Variants in LHFPL3 observed in about 807,000 individuals in gnomAD.
LHFPL3 encodes LHFPL tetraspan subfamily member 3 protein.
LHFPL3 carries 5 observed loss-of-function variants against 19.3 expected under a neutral mutation model. That is an observed-to-expected ratio of 0.26 (90% CI 0.14 to 0.54). LHFPL3 has a LOEUF of 0.54. Among genes scored for constraint, LHFPL3 ranks in the 20% least tolerant of loss-of-function variants. The pLI, the probability that LHFPL3 is intolerant of heterozygous loss-of-function variation, is 0.94. For missense variants in LHFPL3, 249 were observed against 307.4 expected (o/e 0.81, Z 1.42); for synonymous variants, 133 against 126.2 (o/e 1.05, Z -0.36).
intron 2 of LHFPL3, among the ~76,000 whole-genome samples, chr7:104,829,405 G>A (rs1790893622): frequency 6.6e-6 from 1 of 151,524 alleles, no homozygotes; most frequent in Non-Finnish European, 1.5e-5. Flanking sequence ...ATGTATACAT[G>A]TGCCATGTTG....
At chr7:104,863,749 G>A (rs990041562) in intron 2 of LHFPL3, among the ~76,000 whole-genome samples, 2 of 152,182 alleles carry the variant, frequency 1.3e-5, no homozygotes, top group Non-Finnish European at 2.9e-5. Flanking sequence ...GTCACTGGCT[G>A]GGCCAGTATT....
In LHFPL3 at chr7:104,577,459, TAC is replaced by T. The variant is rs375081092; in HGVS notation, c.446-159207_446-159206del. On this transcript the variant is annotated intron_variant, in intron 1 of 2. Transcript: ENST00000424859. ...TTAATCCTGTTAGTGTAAATATATA[TAC>T]ACACACACGTATATATACACATACC... 4.3e-4 allele frequency among the ~76,000 whole-genome samples: 65 copies of T among 152,236 alleles called. No homozygotes were observed. In the East Asian group the frequency reaches 7.1e-3, roughly 17 times the overall value.
At chr7:104,858,819 T>C (rs1207816413) in intron 2 of LHFPL3, among the ~76,000 whole-genome samples, 3 of 152,148 alleles carry the variant, frequency 2.0e-5, no homozygotes, top group African/African-American at 4.8e-5. Context: ...TTTCTCCACA[T>C]TGGAGTACTT....
chr7:104,480,763 G>T (rs1793119249), intron 1 of LHFPL3, among the ~76,000 whole-genome samples: 2 of 152,172 alleles, frequency 1.3e-5, no homozygotes, highest in Non-Finnish European at 2.9e-5. Context: ...CAGGCATTTG[G>T]TATGCAAATA....
At position 104,428,886 on chromosome 7, in the gene LHFPL3, A is replaced by G. The variant is rs572501475; in HGVS notation, c.445+99662A>G. The stretch of plus-strand genomic sequence containing the variant: ...TGATAGGAAGATATCTTCGGAATCT[A>G]CCCTTACGTACACATACTAGCCTCT... On this transcript the variant is annotated intron_variant, in intron 1 of 2. Coordinates refer to ENST00000424859, the MANE Select transcript of LHFPL3 (RefSeq NM_199000.3). Among the ~76,000 whole-genome samples the G allele has an allele frequency of 2.6e-5, 4 of 152,260 alleles. No individual in the cohort carries two copies. The South Asian group carries it at 8.3e-4, about 32-fold the overall frequency.
intron 1 of LHFPL3, chr7:104,668,942 G>T: frequency 6.2e-7 from 1 of 1,612,414 alleles, no homozygotes; most frequent in Non-Finnish European, 8.5e-7. Flanking sequence ...CGACGGCCTC[G>T]GGAGAGACAC....
intron 1 of LHFPL3, among the ~76,000 whole-genome samples, chr7:104,586,150 A>G (rs77146210): frequency 0.021 from 3,230 of 152,244 alleles, 75 homozygotes; most frequent in Non-Finnish European, 0.035. Context: ...AAATTCACTT[A>G]TGTTCATTTA....
intron 2 of LHFPL3, among the ~76,000 whole-genome samples, chr7:104,811,390 G>C (rs537689312): frequency 2.0e-5 from 3 of 152,034 alleles, no homozygotes; most frequent in South Asian, 2.1e-4. Context: ...TTGTAGAGAT[G>C]AGGTCTCACC....
intron 2 of LHFPL3, among the ~76,000 whole-genome samples, chr7:104,795,016 G>A (rs1031721330): frequency 1.3e-5 from 2 of 152,212 alleles, no homozygotes; most frequent in African/African-American, 4.8e-5. Context: ...CAGATCCACA[G>A]AGAAGTTCTT....
chr7:104,407,543 C>T (rs1347489573), intron 1 of LHFPL3, among the ~76,000 whole-genome samples: 1 of 152,128 alleles, frequency 6.6e-6, no homozygotes, highest in Non-Finnish European at 1.5e-5. Flanking sequence ...GTAGTCCCAG[C>T]TACTAGGGAG....
chr7:104,379,280 T>C (rs1383599704), intron 1 of LHFPL3, among the ~76,000 whole-genome samples: 2 of 152,166 alleles, frequency 1.3e-5, no homozygotes, highest in Non-Finnish European at 2.9e-5. Flanking sequence ...TCCCAGGGAA[T>C]TAGAGGTAAT....
chr7:104,773,676 A>T (rs546121673), intron 2 of LHFPL3, among the ~76,000 whole-genome samples: 1 of 152,348 alleles, frequency 6.6e-6, no homozygotes, highest in African/African-American at 2.4e-5. Context: ...CCCCTGGCCC[A>T]GTCCTTACAA....
rs147503436 is a variant in LHFPL3 at position 104,485,409 on chromosome 7, A to G, written c.445+156185A>G. Among the ~76,000 whole-genome samples, 608 of 152,212 alleles carry G rather than the reference A, an allele frequency of 4.0e-3. 4 individuals carry two copies. Among genetic ancestry groups the G allele is most frequent in the African/African-American group, 0.014 (571 of 41,526 alleles). The stretch of plus-strand genomic sequence containing the variant: ...CTTTATTTTTTTAAAGTGCTCTCAG[A>G]GTCTAGTTACTATTGTGATATTTTA... On this transcript the variant is annotated intron_variant, in intron 1 of 2. Coordinates refer to ENST00000424859, the MANE Select transcript of LHFPL3 (RefSeq NM_199000.3).
At chr7:104,865,721 A>T (rs1791708358) in intron 2 of LHFPL3, among the ~76,000 whole-genome samples, 1 of 152,194 alleles carries the variant, frequency 6.6e-6, no homozygotes, top group Non-Finnish European at 1.5e-5. Context: ...GGAAATACAG[A>T]GAATGCCACA....
At chr7:104,608,559 A>G (rs1388180229) in intron 1 of LHFPL3, among the ~76,000 whole-genome samples, 1 of 151,494 alleles carries the variant, frequency 6.6e-6, no homozygotes, top group Admixed American at 6.6e-5. Flanking sequence ...TGACGAGTTA[A>G]TGGGTGCAGT....
rs533621071 is a variant in LHFPL3 at position 104,612,430 on chromosome 7, GCAAAA to G, written c.446-124227_446-124223del. Among the ~76,000 whole-genome samples the G allele has an allele frequency of 1.5e-3, 223 of 152,046 alleles. 3 individuals are homozygous for G. The South Asian group carries it at 0.019, about 13-fold the overall frequency. ...GGATGGATGGATGGACATCCAAGAG[GCAAAA>G]CAAAACAAAACAAAACAGTGCACAT... On this transcript the variant is annotated intron_variant, in intron 1 of 2. Transcript: ENST00000424859.
chr7:104,352,163 TAA>T (rs531724329), intron 1 of LHFPL3, among the ~76,000 whole-genome samples: 3 of 136,530 alleles, frequency 2.2e-5, no homozygotes, highest in Admixed American at 7.3e-5. Context: ...AGGCCCTGTA[TAA>T]AAAAAAAAAA....
intron 2 of LHFPL3, among the ~76,000 whole-genome samples, chr7:104,765,686 T>G (rs892698278): frequency 3.9e-5 from 6 of 152,242 alleles, no homozygotes; most frequent in African/African-American, 1.4e-4. Context: ...TCTAACTTTC[T>G]GCAAGATACT....
chr7:104,707,497 G>C (rs1793214265), intron 1 of LHFPL3, among the ~76,000 whole-genome samples: 1 of 152,122 alleles, frequency 6.6e-6, no homozygotes, highest in Admixed American at 6.5e-5. Context: ...CAATACACTA[G>C]TCACACTTCA....
Sources: gnomAD v4.1 joint callset for allele counts (sites outside exome capture counted in the v4.1 genomes callset) on GRCh38, gnomAD v4.1.1 for gene constraint, MANE v1.5 for transcripts, NCBI Gene and HGNC (gene_info 2026-07-23, HGNC 2026-07-21) for gene names.